KMT2C: variants seen among roughly 807,000 people sequenced by gnomAD.
The protein encoded by KMT2C is lysine methyltransferase 2C.
In KMT2C, 88 loss-of-function variants were observed where a neutral mutation model predicts 507.9. The ratio of observed to expected loss-of-function variants is 0.17; its 90% CI spans 0.15 to 0.21. The LOEUF is 0.21. KMT2C is among the 10% of genes least tolerant of loss of function. KMT2C has a pLI of 1.00. For missense variants in KMT2C, 4,954 were observed against 5,957.8 expected, an observed-to-expected ratio of 0.83 and a Z score of 5.55; for synonymous variants, 2,049 against 2,080.8, an observed-to-expected ratio of 0.98 and a Z score of 0.42.
chr7:152,421,774 C>G (rs2097778530), intron 1 of KMT2C, among the ~76,000 whole-genome samples: 1 of 152,096 alleles, frequency 6.6e-6, no homozygotes, highest in South Asian at 2.1e-4. Context: ...CCAAAAACTA[C>G]CTACTGGGTA....
intron 39 of KMT2C, 84 bp downstream of exon 39, chr7:152,174,047 T>A: frequency 1.3e-6 from 1 of 747,020 alleles, no homozygotes; most frequent in Non-Finnish European, 2.3e-6. Context: ...GGGCTTTCCA[T>A]TTTCTGTATG....
intron 2 of KMT2C, among the ~76,000 whole-genome samples, chr7:152,338,343 T>C (rs1271165382): frequency 6.6e-6 from 1 of 152,240 alleles, no homozygotes; most frequent in Non-Finnish European, 1.5e-5. Flanking sequence ...CATACTATAA[T>C]TTCTATTCAA....
At chr7:152,332,854 A>G (rs1473141645) in intron 2 of KMT2C, among the ~76,000 whole-genome samples, 1 of 123,204 alleles carries the variant, frequency 8.1e-6, no homozygotes, top group Non-Finnish European at 1.7e-5. Context: ...GTCTCAAAAC[A>G]CACACACACA....
chr7:152,272,502 T>C (rs2095995797), intron 7 of KMT2C, among the ~76,000 whole-genome samples: 1 of 152,190 alleles, frequency 6.6e-6, no homozygotes, highest in Non-Finnish European at 1.5e-5. Flanking sequence ...TAATCCACTC[T>C]GATAACTGCC....
intron 2 of KMT2C, among the ~76,000 whole-genome samples, chr7:152,336,567 A>G (rs1420557724): frequency 6.6e-6 from 1 of 152,092 alleles, no homozygotes; most frequent in Non-Finnish European, 1.5e-5. Context: ...TTAAAAATGT[A>G]CTCTTGAATA....
intron 6 of KMT2C, among the ~76,000 whole-genome samples, chr7:152,302,724 C>A (rs909205056): frequency 3.3e-5 from 5 of 152,014 alleles, no homozygotes; most frequent in African/African-American, 4.8e-5. Flanking sequence ...TCACTACAAC[C>A]TCCACCTCCT....
At chr7:152,139,150 C>T in intron 57 of KMT2C, 36 bp downstream of exon 57, 2 of 1,605,630 alleles carry the variant, frequency 1.2e-6, no homozygotes, top group Non-Finnish European at 1.7e-6. Context: ...GCCCCACAAG[C>T]AAAAGCACTC....
rs546643392 is a variant in KMT2C, at chr7:152,162,829, G to T, written c.10748C>A (p.Pro3583Gln). The T allele has an allele frequency of 6.2e-7, 1 of 1,614,094 alleles. No homozygotes were observed. Among genetic ancestry groups the T allele is most frequent in the Non-Finnish European group, 8.5e-7 (1 of 1,180,022 alleles). Residue 3583 changes from proline to glutamine, a missense_variant, in exon 43 of 59, where the codon CCG (proline) becomes CAG (glutamine). By Grantham distance (76) the Pro-to-Gln change is moderately conservative. Transcript: ENST00000262189. The stretch of plus-strand genomic sequence containing the variant: ...CTGAATGAGCGATTGGGTTGATCCC[G>T]GATAACTGTGTCCATGGGTTATAGT... ...DSTITHGHSY[P>Q]GSTQSLIQLY...
At chr7:152,382,447 T>C (rs892725338) in intron 1 of KMT2C, among the ~76,000 whole-genome samples, 13 of 152,114 alleles carry the variant, frequency 8.5e-5, no homozygotes, top group African/African-American at 3.1e-4. Flanking sequence ...CAGTCACCAT[T>C]ACCTGCCCTT....
chr7:152,251,999 C>T lies in KMT2C; in HGVS notation c.1561G>A (p.Gly521Arg). The T allele has an allele frequency of 6.2e-7, 1 of 1,613,140 alleles. No individual in the cohort carries two copies. Among genetic ancestry groups the T allele is most frequent in the South Asian group, 1.1e-5 (1 of 90,840 alleles). ...GGCTGTAAACGATCCATCTCAGCTC[C>T]CAGGTGTTTACAATACATGCAGATA... ...EYICMYCKHL[G>R]AEMDRLQPGE... The change falls in exon 11 of 59, where the codon GGA becomes AGA. Residue 521 changes from glycine to arginine, a missense_variant. Physicochemically the swap from Gly to Arg is moderately radical, Grantham distance 125. This residue lies in a region of KMT2C where 376 missense variants were observed against 352.4 expected (regional missense o/e 1.07). Coordinates refer to ENST00000262189, the MANE Select transcript of KMT2C (RefSeq NM_170606.3).
intron 8 of KMT2C, among the ~76,000 whole-genome samples, chr7:152,263,955 G>A (rs2095821604): frequency 6.6e-6 from 1 of 152,094 alleles, no homozygotes; most frequent in Non-Finnish European, 1.5e-5. Context: ...AAATCTGGGG[G>A]ATAAATAGAT....
chr7:152,292,552 A>G (rs2096445219), intron 6 of KMT2C, among the ~76,000 whole-genome samples: 1 of 152,244 alleles, frequency 6.6e-6, no homozygotes, highest in African/African-American at 2.4e-5. Context: ...TTCCTGTGTC[A>G]TAAAATATTA....
At chr7:152,285,556 A>T (rs571642285) in intron 6 of KMT2C, among the ~76,000 whole-genome samples, 1 of 152,278 alleles carries the variant, frequency 6.6e-6, no homozygotes, top group Non-Finnish European at 1.5e-5. Flanking sequence ...ACTTTCCTAA[A>T]ATGTCTCAAA....
rs2129112641 is a variant in KMT2C at position 152,176,228 on chromosome 7, C to T, written c.9225G>A (p.Met3075Ile). The change falls in exon 38 of 59, where the codon ATG becomes ATA. Residue 3075 changes from methionine (M) to isoleucine (I), a missense_variant. Physicochemically the swap from Met to Ile is conservative, Grantham distance 10 (BLOSUM62 1). Around this residue, in one of 29 missense-constraint regions of KMT2C, gnomAD observed 1,689 missense variants for 1,654.3 expected, o/e 1.02. Coordinates refer to ENST00000262189, the MANE Select transcript of KMT2C (RefSeq NM_170606.3). ...EQQQQRQMQAMIRQRSEPFFP... is the reference protein window; with the variant it reads ...EQQQQRQMQAIIRQRSEPFFP... The stretch of plus-strand genomic sequence containing the variant: ...AGAACGGTTCTGATCGCTGACGAAT[C>T]ATGGCTTGCATCTGTCTTTGCTGCT... 6.2e-7 allele frequency: 1 copy of T among 1,611,920 alleles called. No individual in the cohort carries two copies. Among genetic ancestry groups the T allele is most frequent in the Non-Finnish European group, 8.5e-7 (1 of 1,178,860 alleles).
chr7:152,244,029 A>G (rs1044144401), intron 14 of KMT2C, among the ~76,000 whole-genome samples: 1 of 152,206 alleles, frequency 6.6e-6, no homozygotes, highest in Admixed American at 6.5e-5. Flanking sequence ...TTAGAATGGG[A>G]ATACAACTGT....
At chr7:152,156,116 GAACTTTAC>G in intron 45 of KMT2C, 59 bp from the exon 46 acceptor site, 1 of 1,599,048 alleles carries the variant, frequency 6.3e-7, no homozygotes, top group Non-Finnish European at 8.5e-7. Context: ...TAAATGGGTA[GAACTTTAC>G]AATTCTATTG....
chr7:152,138,763 C>A lies in KMT2C; in HGVS notation c.14643+33G>T, dbSNP rs756064170. On this transcript the variant is annotated intron_variant, in intron 58 of 58. Coordinates refer to ENST00000262189, the MANE Select transcript of KMT2C (RefSeq NM_170606.3). The surrounding 1 kb of genome is among the most constrained non-coding windows in gnomAD (Gnocchi z 4.2). ...GGGAACTATTCGCCCAGGATCTGAACAACATGGCAGATGCAATCTCTCACA... is the reference window on the plus strand; with the variant it reads ...GGGAACTATTCGCCCAGGATCTGAAAAACATGGCAGATGCAATCTCTCACA... The A allele has an allele frequency of 5.3e-6, 7 of 1,326,746 alleles. No homozygotes were observed. In the South Asian group the frequency reaches 9.2e-5, roughly 17 times the overall value. 82.2% of individuals were successfully genotyped at this position (1,326,746 alleles called of 1,614,324 possible). A position where few individuals can be genotyped will look rare whatever the true frequency, so the allele number is the denominator to read the frequency against.
intron 25 of KMT2C, 27 bp from the exon 26 acceptor site, chr7:152,203,091 A>G: frequency 6.4e-7 from 1 of 1,555,426 alleles, no homozygotes; most frequent in Non-Finnish European, 8.7e-7. Flanking sequence ...ATTTATAAAT[A>G]TGTGACATTT....
chr7:152,136,392 C>T lies in KMT2C; in HGVS notation c.*440G>A. 1 of 233,086 alleles carries T rather than the reference C, an allele frequency of 4.3e-6. No homozygotes were observed. Among genetic ancestry groups the T allele is most frequent in the Non-Finnish European group, 8.5e-6 (1 of 118,012 alleles). 14.4% of individuals were successfully genotyped at this position (233,086 alleles called of 1,614,324 possible). A position where few individuals can be genotyped will look rare whatever the true frequency, so the allele number is the denominator to read the frequency against. Reference sequence around the variant, plus strand: ...TTAATAAGGCCGTGGCCAGCACTCTCTGTCCCCCTCGCTGGTGATTTCAGT... The same window carrying T: ...TTAATAAGGCCGTGGCCAGCACTCTTTGTCCCCCTCGCTGGTGATTTCAGT... On this transcript the variant is annotated 3_prime_UTR_variant, in exon 59 of 59. Coordinates refer to ENST00000262189, the MANE Select transcript of KMT2C (RefSeq NM_170606.3).
Sources: gnomAD v4.1 joint callset for allele counts (sites outside exome capture counted in the v4.1 genomes callset) on GRCh38, gnomAD v4.1.1 for gene constraint, gnomAD v4.1.1 regional missense constraint, Gnocchi (gnomAD v3.1) non-coding constraint, MANE v1.5 for transcripts, NCBI Gene and HGNC (gene_info 2026-07-23, HGNC 2026-07-21) for gene names.